Variants in SRPRA observed in about 807,000 individuals in gnomAD.
The protein encoded by SRPRA is SRP receptor subunit alpha, also known as signal recognition particle receptor subunit alpha.
SRPRA carries 30 observed loss-of-function variants against 61.1 expected under a neutral mutation model. The observed-to-expected ratio is 0.49, with a 90% confidence interval of 0.37 to 0.67. The LOEUF is 0.67. Ranked by LOEUF, SRPRA falls within the 30% of genes least tolerant of loss-of-function variation. SRPRA has a pLI of 0.00. For synonymous variants in SRPRA, 324 were observed against 299.7 expected (o/e 1.08, Z -0.84); for missense variants, 759 against 828.4 (o/e 0.92, Z 1.03).
Position 126,264,795 on chromosome 11 carries a change from A to G in SRPRA, c.1525+164T>C. The G allele has an allele frequency of 1.2e-6, 1 of 802,282 alleles. No homozygotes were observed. Among genetic ancestry groups the G allele is most frequent in the Non-Finnish European group, 1.9e-6 (1 of 520,334 alleles). The allele number at this position is 802,282 out of a possible 1,614,324, so 49.7% of individuals were successfully genotyped here. A position where few individuals can be genotyped will look rare whatever the true frequency, so the allele number is the denominator to read the frequency against. On this transcript the variant is annotated intron_variant, in intron 11 of 13. Coordinates refer to ENST00000332118, the MANE Select transcript of SRPRA (RefSeq NM_003139.4). The surrounding 1 kb of genome is among the most constrained non-coding windows in gnomAD (Gnocchi z 5.0). ...GTATATTAGCTTTGCCTGCAACTACATCTGTTATCCAAAAGCAGAGCATGG... is the reference window on the plus strand; with the variant it reads ...GTATATTAGCTTTGCCTGCAACTACGTCTGTTATCCAAAAGCAGAGCATGG...
rs1950846135 is a variant in SRPRA at position 126,267,789 on chromosome 11, C to T, written c.202-77G>A. ...TGGAGGGACGCCAACTCAACCCTGG[C>T]TTTCAGAGATAGGTTCAGCTACCTG... On this transcript the variant is annotated intron_variant, in intron 2 of 13. Coordinates refer to ENST00000332118, the MANE Select transcript of SRPRA (RefSeq NM_003139.4). This position sits in a 1 kb window ranked among gnomAD's most constrained non-coding sequence, Gnocchi z 4.2. The T allele has an allele frequency of 6.3e-7, 1 of 1,581,902 alleles. No homozygotes were observed. The highest frequency in any genetic ancestry group is 1.3e-5 in the African/African-American group (1 of 74,238).
chr11:126,248,254 C>T, the SRPRA span, among the ~76,000 whole-genome samples: 6 of 149,394 alleles, frequency 4.0e-5, no homozygotes, highest in Non-Finnish European at 7.4e-5. Flanking sequence ...CATGTGACTG[C>T]TAGATCATAG....
At chr11:126,254,539 C>T in the SRPRA span, 37 of 1,460,956 alleles carry the variant, frequency 2.5e-5, no homozygotes, top group African/African-American at 7.0e-5. Flanking sequence ...TAAGTGAAAA[C>T]GGAAGGTCAG....
the SRPRA span, among the ~76,000 whole-genome samples, chr11:126,252,845 T>G: frequency 1.3e-5 from 2 of 152,028 alleles, no homozygotes; most frequent in African/African-American, 4.8e-5. The surrounding 1 kb of genome is among the most constrained non-coding windows in gnomAD (Gnocchi z 4.7). Flanking sequence ...GACCAGCCTG[T>G]CCAACATGGT....
At chr11:126,260,589 C>G (rs980379171), downstream of SRPRA, 17 of 152,098 alleles carry the variant, frequency 1.1e-4, no homozygotes, top group Non-Finnish European at 7.3e-5. Flanking sequence ...GTGAAAATAA[C>G]ATCTGTATCT....
Position 126,265,221 on chromosome 11 carries a change from A to G in SRPRA, c.1311+47T>C. ...TCACCTAAAGCCAGGATTTTGAGAC[A>G]CAAGAAGTACAGAAATATCAGCGAT... On this transcript the variant is annotated intron_variant, in intron 10 of 13. Coordinates refer to ENST00000332118, the MANE Select transcript of SRPRA (RefSeq NM_003139.4). This position sits in a 1 kb window ranked among gnomAD's most constrained non-coding sequence, Gnocchi z 6.3. The G allele has an allele frequency of 3.1e-6, 5 of 1,613,846 alleles. No homozygotes were observed. The highest frequency in any genetic ancestry group is 1.3e-5 in the African/African-American group (1 of 75,038).
At chr11:126,261,167 G>GTAAAATA (rs1950688957), downstream of SRPRA, 1 of 459,804 alleles carries the variant, frequency 2.2e-6, no homozygotes, top group Non-Finnish European at 3.9e-6. Context: ...AATGTAAAAT[G>GTAAAATA]TAAAATGTAA....
Position 126,266,516 on chromosome 11 carries a change from T to C in SRPRA, c.800A>G (p.Asn267Ser), listed in dbSNP as rs753253148. ...AGACAAGGCAGCCTCAGGGGTTCCATTGGTGGTGGGAGTACTGTAATCCAA... is the reference window on the plus strand; with the variant it reads ...AGACAAGGCAGCCTCAGGGGTTCCACTGGTGGTGGGAGTACTGTAATCCAA... ...EVLDYSTPTT[N>S]GTPEAALSED... The change falls in exon 6 of 14, where the codon AAT becomes AGT. Residue 267 changes from asparagine (N) to serine (S), a missense_variant. By Grantham distance (46) the Asn-to-Ser change is conservative. Coordinates refer to ENST00000332118, the MANE Select transcript of SRPRA (RefSeq NM_003139.4). The C allele has an allele frequency of 1.5e-5, 25 of 1,614,086 alleles. No individual in the cohort carries two copies. Among genetic ancestry groups the C allele is most frequent in the East Asian group, 4.5e-5 (2 of 44,892 alleles).
the SRPRA span, chr11:126,256,959 T>C: frequency 1.7e-6 from 2 of 1,168,530 alleles, no homozygotes; most frequent in Non-Finnish European, 2.4e-6. This position sits in a 1 kb window ranked among gnomAD's most constrained non-coding sequence, Gnocchi z 6.6. Flanking sequence ...AGGAATGTAA[T>C]GACTGACCAA....
chr11:126,238,718 A>G, the SRPRA span, among the ~76,000 whole-genome samples: 1 of 152,150 alleles, frequency 6.6e-6, no homozygotes, highest in African/African-American at 2.4e-5. Context: ...TGATTCTCCT[A>G]TTTTAGCCCC....
Position 126,267,371 on chromosome 11 carries a change from C to T in SRPRA, c.366-36G>A, listed in dbSNP as rs1024732567. On this transcript the variant is annotated intron_variant, in intron 3 of 13. Coordinates refer to ENST00000332118, the MANE Select transcript of SRPRA (RefSeq NM_003139.4). This position sits in a 1 kb window ranked among gnomAD's most constrained non-coding sequence, Gnocchi z 4.2. ...AGGAGAATGGTTTATCTTTCTACCC[C>T]ATGCAGAAGGAAAAATAACGGTCCA... is the stretch of plus-strand genomic sequence containing the variant. 1 of 1,606,852 alleles carries T rather than the reference C, an allele frequency of 6.2e-7. No homozygotes were observed. Among genetic ancestry groups the T allele is most frequent in the Non-Finnish European group, 8.5e-7 (1 of 1,177,040 alleles).
the SRPRA span, among the ~76,000 whole-genome samples, chr11:126,243,386 C>T: frequency 6.6e-6 from 1 of 151,192 alleles, no homozygotes; most frequent in East Asian, 2.0e-4. Context: ...ATCACTTGGG[C>T]CCTGGAGTTC....
chr11:126,265,401 AG>A lies in SRPRA; in HGVS notation c.1177del (p.Leu393TrpfsTer11). The A allele has an allele frequency of 6.2e-7, 1 of 1,613,938 alleles. No homozygotes were observed. The highest frequency in any genetic ancestry group is 8.5e-7 in the Non-Finnish European group (1 of 1,180,014). ...STVKQALQES[L>X]VQILQPQRRV... ...ACGCTGTGGCTGCAGAATCTGCACC[AG>A]GGACTCCTGTAGGGCTTGCTTTACT... On this transcript the variant is annotated frameshift_variant, in exon 10 of 14. Coordinates refer to ENST00000332118, the MANE Select transcript of SRPRA (RefSeq NM_003139.4). LOFTEE classifies it high-confidence loss of function. The surrounding 1 kb of genome is among the most constrained non-coding windows in gnomAD (Gnocchi z 6.3).
the SRPRA span, among the ~76,000 whole-genome samples, chr11:126,253,379 G>C: frequency 2.6e-5 from 4 of 152,120 alleles, no homozygotes; most frequent in African/African-American, 7.2e-5. The surrounding 1 kb of genome is among the most constrained non-coding windows in gnomAD (Gnocchi z 5.1). Flanking sequence ...AATGTGATAA[G>C]AATAAATGTA....
chr11:126,267,214 T>C lies in SRPRA; in HGVS notation c.487A>G (p.Lys163Glu). 1 of 1,614,174 alleles carries C rather than the reference T, an allele frequency of 6.2e-7. No homozygotes were observed. Among genetic ancestry groups the C allele is most frequent in the South Asian group, 1.1e-5 (1 of 91,078 alleles). Residue 163 changes from lysine (K) to glutamate (E), a missense_variant, in exon 4 of 14, where the codon AAA becomes GAA. By Grantham distance (56) the Lys-to-Glu change is moderately conservative. This residue lies in a region of SRPRA where 475 missense variants were observed against 462.5 expected (regional missense o/e 1.03). Coordinates refer to ENST00000332118, the MANE Select transcript of SRPRA (RefSeq NM_003139.4). The surrounding 1 kb of genome is among the most constrained non-coding windows in gnomAD (Gnocchi z 4.2). ...CCCTTTTTTTTGCTATTCTTTGCTT[T>C]TTCCTTGGGCTTTTCCCCCCGTGTC... is the stretch of plus-strand genomic sequence containing the variant. The part of the protein sequence containing the change: ...IETRGEKPKE[K>E]AKNSKKKGAK...
chr11:126,246,095 A>G, the SRPRA span, among the ~76,000 whole-genome samples: 1 of 152,170 alleles, frequency 6.6e-6, no homozygotes, highest in East Asian at 1.9e-4. Context: ...TCCAGAATAT[A>G]TAAAGAACTA....
chr11:126,236,482 TTTG>T, the SRPRA span, among the ~76,000 whole-genome samples: 70 of 152,260 alleles, frequency 4.6e-4, no homozygotes, highest in South Asian at 3.9e-3. Flanking sequence ...TTGTTTCATT[TTTG>T]TTGTTGTTGT....
chr11:126,261,338 A>C, downstream of SRPRA: 2 of 1,022,864 alleles, frequency 2.0e-6, no homozygotes, highest in Non-Finnish European at 3.1e-6. Context: ...GTCGTACCAT[A>C]TGTCCTCATC....
At chr11:126,261,437 GAGA>G (rs768687287), downstream of SRPRA, 451 of 1,613,982 alleles carry the variant, frequency 2.8e-4, no homozygotes, top group Non-Finnish European at 3.6e-4. Context: ...GGGATGGTGA[GAGA>G]AGGTCAGCTA....
Sources: allele counts gnomAD v4.1 joint callset (sites outside exome capture counted in the v4.1 genomes callset), GRCh38; gene constraint gnomAD v4.1.1; regional missense constraint gnomAD v4.1.1; non-coding constraint Gnocchi (gnomAD v3.1); transcripts MANE v1.5; gene names NCBI Gene and HGNC (gene_info 2026-07-23, HGNC 2026-07-21).